SEPTIN12: variants seen among roughly 807,000 people sequenced by gnomAD.
The protein encoded by SEPTIN12 is septin 12, also known as septin-12.
SEPTIN12 carries 42 observed loss-of-function variants against 37.7 expected under a neutral mutation model. That is an observed-to-expected ratio of 1.11 (90% confidence interval 0.87 to 1.44). The LOEUF is 1.44. SEPTIN12 is among the 40% of genes most tolerant of loss of function. SEPTIN12 has a pLI of 0.00. For missense variants in SEPTIN12, 613 were observed against 479.2 expected (o/e 1.28, Z -2.61); for synonymous variants, 254 against 196.7 (o/e 1.29, Z -2.44).
Position 4,777,904 on chromosome 16 carries a change from C to A in SEPTIN12, c.970G>T (p.Gly324Trp). The change falls in exon 10 of 10, where the codon GGG becomes TGG. Residue 324 changes from glycine (G) to tryptophan (W), a missense_variant. Coordinates refer to ENST00000268231, the MANE Select transcript of SEPTIN12 (RefSeq NM_144605.5). ...RLNESHLLPRGPGWVNLAPAS... is the reference protein window; with the variant it reads ...RLNESHLLPRWPGWVNLAPAS... ...GGGGCCAGGTTCACCCAGCCGGGCC[C>A]GCGGGGCAGCAGGTGGCTTTCATTG... The A allele has an allele frequency of 6.2e-7, 1 of 1,601,436 alleles. No individual in the cohort carries two copies.
chr16:4,783,128 C>T (rs2082390571), intron 7 of SEPTIN12, among the ~76,000 whole-genome samples: 1 of 152,074 alleles, frequency 6.6e-6, no homozygotes, highest in African/African-American at 2.4e-5. Flanking sequence ...AGGCTGGTCT[C>T]CAACTCCTGA....
Position 4,786,102 on chromosome 16 carries a change from T to A in SEPTIN12, c.170A>T (p.Gln57Leu). The A allele has an allele frequency of 6.2e-7, 1 of 1,604,410 alleles. No homozygotes were observed. The highest frequency in any genetic ancestry group is 1.7e-5 in the Admixed American group (1 of 58,920). Residue 57 changes from glutamine to leucine, a missense_variant, in exon 3 of 10, where the codon CAA becomes CTA. Physicochemically the swap from Gln to Leu is moderately radical, Grantham distance 113. Coordinates refer to ENST00000268231, the MANE Select transcript of SEPTIN12 (RefSeq NM_144605.5). ...CATCGTGGACTTGCCCAGCCCGCTT[T>A]GCCCTGGGAGTGGCAACCGGATGAC... ...GFEFNIMVVG[Q>L]SGLGKSTMVN...
upstream of SEPTIN12, among the ~76,000 whole-genome samples, chr16:4,789,105 G>A (rs879783644): frequency 2.0e-5 from 3 of 152,064 alleles, no homozygotes; most frequent in Non-Finnish European, 2.9e-5. Flanking sequence ...TGCAACCTCC[G>A]CCTCCTGGGT....
intron 4 of SEPTIN12, among the ~76,000 whole-genome samples, chr16:4,784,968 C>T (rs775434309): frequency 2.2e-4 from 33 of 151,764 alleles, no homozygotes; most frequent in Non-Finnish European, 4.4e-4. Context: ...AAAATTGGGC[C>T]GGGTGCAGTG....
At chr16:4,779,461 C>G (rs1433591525) in intron 8 of SEPTIN12, among the ~76,000 whole-genome samples, 3 of 152,144 alleles carry the variant, frequency 2.0e-5, no homozygotes. Flanking sequence ...CTCCAACACC[C>G]TAGGAAGTTG....
chr16:4,790,303 C>T (rs2082532213), upstream of SEPTIN12, among the ~76,000 whole-genome samples: 1 of 152,150 alleles, frequency 6.6e-6, no homozygotes, highest in South Asian at 2.1e-4. Context: ...GAGAAAGTCG[C>T]CACAGACAAT....
Position 4,786,071 on chromosome 16 carries a change from G to A in SEPTIN12, c.201C>T (p.Asn67=). The change falls in exon 3 of 10, where the codon AAC becomes AAT. Residue 67 remains asparagine, a synonymous_variant. Coordinates refer to ENST00000268231, the MANE Select transcript of SEPTIN12 (RefSeq NM_144605.5). ...TCCACACTTTGGACTTGAACAGCGT[G>A]TTCACCATCGTGGACTTGCCCAGCC... The part of the protein sequence containing the change: ...QSGLGKSTMV[N]TLFKSKVWKS... 1.2e-6 allele frequency: 2 copies of A among 1,613,566 alleles called. No individual in the cohort carries two copies. Among genetic ancestry groups the A allele is most frequent in the Non-Finnish European group, 1.7e-6 (2 of 1,179,670 alleles).
At chr16:4,778,442 T>C (rs2082337294) in intron 8 of SEPTIN12, among the ~76,000 whole-genome samples, 1 of 152,210 alleles carries the variant, frequency 6.6e-6, no homozygotes, top group African/African-American at 2.4e-5. Context: ...CCGATTTTGG[T>C]ATCCCTGGGG....
At chr16:4,791,646 C>CT (rs1381662684), upstream of SEPTIN12, among the ~76,000 whole-genome samples, 1 of 152,122 alleles carries the variant, frequency 6.6e-6, no homozygotes, top group Non-Finnish European at 1.5e-5. Flanking sequence ...CCTCCTCCTC[C>CT]TGTTACTGTC....
chr16:4,786,218 G>A, intron 2 of SEPTIN12, 113 bp from the exon 3 acceptor site: 1 of 1,347,576 alleles, frequency 7.4e-7, no homozygotes, highest in Non-Finnish European at 1.0e-6. Flanking sequence ...CTGTCACCCA[G>A]GCTGGAGTGC....
At chr16:4,779,188 G>A (rs1394203409) in intron 8 of SEPTIN12, among the ~76,000 whole-genome samples, 1 of 149,404 alleles carries the variant, frequency 6.7e-6, no homozygotes, top group Non-Finnish European at 1.5e-5. Flanking sequence ...CTACATCCTC[G>A]CTGCCCCTCC....
intron 4 of SEPTIN12, among the ~76,000 whole-genome samples, chr16:4,785,545 G>A (rs758971430): frequency 6.6e-5 from 10 of 151,684 alleles, no homozygotes; most frequent in Non-Finnish European, 1.2e-4. Context: ...AGGCCGAGGC[G>A]GGTGGATCAT....
chr16:4,785,932 G>C (rs770825354), intron 3 of SEPTIN12, 44 bp from the exon 4 acceptor site: 1 of 882,144 alleles, frequency 1.1e-6, no homozygotes, highest in Non-Finnish European at 1.7e-6. Flanking sequence ...ACCCAGGTGG[G>C]ATGGGGTGGG....
rs995986970 is a variant in SEPTIN12 at position 4,783,463 on chromosome 16, C to A, written c.725G>T (p.Arg242Leu). ...INDKILNSKLRDRIPFAVVGA... is the reference protein window; with the variant it reads ...INDKILNSKLLDRIPFAVVGA... ...GCCTCCCGCCCCACAGCCTCTCACC[C>A]GTAACTTGCTGTTGAGGATTTTGTC... The change falls in exon 7 of 10, where the codon CGG (arginine) becomes CTG (leucine). Residue 242 changes from arginine to leucine, a missense_variant and splice_region_variant. By Grantham distance (102) the Arg-to-Leu change is moderately radical. Coordinates refer to ENST00000268231, the MANE Select transcript of SEPTIN12 (RefSeq NM_144605.5). 1.9e-6 allele frequency: 3 copies of A among 1,613,312 alleles called. No individual in the cohort carries two copies. Among genetic ancestry groups the A allele is most frequent in the Non-Finnish European group, 2.5e-6 (3 of 1,179,530 alleles).
chr16:4,777,729 G>T lies in SEPTIN12; in HGVS notation c.*68C>A. 1 of 1,110,928 alleles carries T rather than the reference G, an allele frequency of 9.0e-7. No individual in the cohort carries two copies. The highest frequency in any genetic ancestry group is 1.3e-6 in the Non-Finnish European group (1 of 788,136). 68.8% of individuals were successfully genotyped at this position (1,110,928 alleles called of 1,614,324 possible). A position where few individuals can be genotyped will look rare whatever the true frequency, so the allele number is the denominator to read the frequency against. On this transcript the variant is annotated 3_prime_UTR_variant, in exon 10 of 10. Coordinates refer to ENST00000268231, the MANE Select transcript of SEPTIN12 (RefSeq NM_144605.5). ...AGGCTCACATTTAATAGATGCTCTG[G>T]TACATAGGTGTGTGTTGAGAGCCGC...
In SEPTIN12 at chr16:4,788,036, G is replaced by A; in HGVS notation, c.-23+244C>T. ...GTCCTGGAGGGGCTTCAGGGAGTGT[G>A]TATGGGGTGAAGTGGCTCCCGTCCC... On this transcript the variant is annotated intron_variant, in intron 1 of 9. Coordinates refer to ENST00000268231, the MANE Select transcript of SEPTIN12 (RefSeq NM_144605.5). The A allele has an allele frequency of 1.5e-5, 3 of 196,340 alleles. No homozygotes were observed. In the South Asian group the frequency reaches 2.9e-4, roughly 19 times the overall value. 12.2% of individuals were successfully genotyped at this position (196,340 alleles called of 1,614,324 possible).
intron 4 of SEPTIN12, among the ~76,000 whole-genome samples, chr16:4,784,694 G>C (rs1316124929): frequency 2.0e-5 from 3 of 149,556 alleles, no homozygotes; most frequent in Non-Finnish European, 4.5e-5. Context: ...CCTTGAGCTT[G>C]GGGAGGTCAA....
intron 7 of SEPTIN12, chr16:4,783,248 G>A (rs1660049132): frequency 1.7e-6 from 1 of 589,128 alleles, no homozygotes; most frequent in Non-Finnish European, 3.1e-6. Flanking sequence ...CCCCTTATTG[G>A]GTATGTGATT....
chr16:4,790,846 G>T (rs186586579), upstream of SEPTIN12, among the ~76,000 whole-genome samples: 5 of 152,302 alleles, frequency 3.3e-5, no homozygotes, highest in Admixed American at 3.3e-4. Flanking sequence ...AGAGGTTAAG[G>T]GTGGGCCAGG....
Sources: allele counts gnomAD v4.1 joint callset (sites outside exome capture counted in the v4.1 genomes callset), GRCh38; gene constraint gnomAD v4.1.1; transcripts MANE v1.5; gene names NCBI Gene and HGNC (gene_info 2026-07-23, HGNC 2026-07-21).